The following OR2B11 variants were observed in gnomAD, a reference collection of about 807,000 sequenced individuals.
The protein encoded by OR2B11 is olfactory receptor family 2 subfamily B member 11, also known as olfactory receptor 2B11.
For missense variants in OR2B11, 422 were observed against 400.0 expected (o/e 1.05, Z -0.47); for synonymous variants, 198 against 174.5 (o/e 1.13, Z -1.06).
rs1664882525 is a variant in OR2B11 at position 247,453,013 on chromosome 1, A to G, written c.-1031T>C. The G allele has an allele frequency of 6.6e-6, 1 of 152,200 alleles. No individual in the cohort carries two copies. The allele number at this position is 152,200 out of a possible 1,614,324, so 9.4% of individuals were successfully genotyped here. ...CTGATTCGTGGGTCCTTTCGACTGC[A>G]CCATTGGCTTCTCACCTCCTACAAT... On this transcript the variant is annotated 5_prime_UTR_variant, in exon 2 of 2. Transcript: ENST00000641149.
Position 247,451,116 on chromosome 1 carries a change from G to C in OR2B11, c.867C>G (p.Leu289=). The C allele has an allele frequency of 6.6e-7, 1 of 1,516,768 alleles. No individual in the cohort carries two copies. Among genetic ancestry groups the C allele is most frequent in the Non-Finnish European group, 8.8e-7 (1 of 1,132,042 alleles). 94.0% of individuals were successfully genotyped at this position (1,516,768 alleles called of 1,614,324 possible). ...SLFYSIITPT[L]NPFTYTLRNK... is the part of the protein sequence containing the mutation. ...TTCTCAGGGTGTAGGTGAAGGGATT[G>C]AGAGTGGGGGTGATTATGGAATAGA... The change falls in exon 2 of 2, where the codon CTC becomes CTG. Residue 289 remains leucine, a synonymous_variant. Transcript: ENST00000641149.
intron 1 of OR2B11, among the ~76,000 whole-genome samples, chr1:247,456,022 A>G (rs1419370716): frequency 6.6e-6 from 1 of 152,174 alleles, no homozygotes; most frequent in Non-Finnish European, 1.5e-5. Flanking sequence ...CATTGAGAGG[A>G]GAAGGGAAGT....
Position 247,451,014 on chromosome 1 carries a change from C to T in OR2B11, c.*15G>A. On this transcript the variant is annotated 3_prime_UTR_variant, in exon 2 of 2. Transcript: ENST00000641149. ...TGTTCTTTAATTGATGGAGATGCTACATCTCATGTCCTCATCATCCACAGA... is the reference window on the plus strand; with the variant it reads ...TGTTCTTTAATTGATGGAGATGCTATATCTCATGTCCTCATCATCCACAGA... 1 of 1,389,386 alleles carries T rather than the reference C, an allele frequency of 7.2e-7. No individual in the cohort carries two copies. The highest frequency in any genetic ancestry group is 1.6e-5 in the South Asian group (1 of 62,370). The allele number at this position is 1,389,386 out of a possible 1,614,324, so 86.1% of individuals were successfully genotyped here.
In OR2B11 at chr1:247,451,626, C is replaced by T; in HGVS notation, c.357G>A (p.Leu119=). 1.2e-6 allele frequency: 2 copies of T among 1,614,058 alleles called. No individual in the cohort carries two copies. The highest frequency in any genetic ancestry group is 2.2e-5 in the East Asian group (1 of 44,852). The part of the protein sequence containing the change: ...HWLGCTECIV[L]AAMALDRYVA... ...CGTAGCGGTCCAGGGCCATGGCGGC[C>T]AGGACGATGCACTCCGTGCATCCCA... is the stretch of plus-strand genomic sequence containing the variant. Residue 119 remains leucine, a synonymous_variant, in exon 2 of 2, where the codon CTG becomes CTA. Transcript: ENST00000641149.
At position 247,451,188 on chromosome 1, in the gene OR2B11, C is replaced by A; in HGVS notation, c.795G>T (p.Gln265His). The A allele has an allele frequency of 6.4e-7, 1 of 1,568,166 alleles. No homozygotes were observed. The highest frequency in any genetic ancestry group is 8.7e-7 in the Non-Finnish European group (1 of 1,155,012). ...GCTCTTGGGAGTAGCTGGAAGGGGG[C>A]TGCAGATACATGTAAATCGCAGGTA... is the stretch of plus-strand genomic sequence containing the variant. ...FYLPAIYMYL[Q>H]PPSSYSQEQG... is the part of the protein sequence containing the mutation. The change falls in exon 2 of 2, where the codon CAG (glutamine) becomes CAT (histidine). Residue 265 changes from glutamine to histidine, a missense_variant. Transcript: ENST00000641149.
chr1:247,455,491 AAG>A (rs1379741112), intron 1 of OR2B11, among the ~76,000 whole-genome samples: 2 of 152,190 alleles, frequency 1.3e-5, no homozygotes, highest in Non-Finnish European at 2.9e-5. Context: ...CAAAAAGAGA[AAG>A]AGCCCCTTTC....
Position 247,451,651 on chromosome 1 carries a change from A to G in OR2B11, c.332T>C (p.Leu111Pro). Reference sequence around the variant, plus strand: ...CAGGACGATGCACTCCGTGCATCCCAGCCAGTGGAAGACTGCATATTGCAC... The same window carrying G: ...CAGGACGATGCACTCCGTGCATCCCGGCCAGTGGAAGACTGCATATTGCAC... ...CTVQYAVFHW[L>P]GCTECIVLAA... is the part of the protein sequence containing the mutation. Residue 111 changes from leucine (L) to proline (P), a missense_variant, in exon 2 of 2, where the codon CTG becomes CCG. Physicochemically the swap from Leu to Pro is moderately conservative, Grantham distance 98. Coordinates refer to ENST00000641149, the MANE Select transcript of OR2B11 (RefSeq NM_001004492.2). 1 of 1,614,202 alleles carries G rather than the reference A, an allele frequency of 6.2e-7. No homozygotes were observed. The highest frequency in any genetic ancestry group is 8.5e-7 in the Non-Finnish European group (1 of 1,180,022).
rs1281466258 is a variant in OR2B11 at position 247,450,178 on chromosome 1, G to A, written c.*851C>T. On this transcript the variant is annotated 3_prime_UTR_variant, in exon 2 of 2. Transcript: ENST00000641149. ...AATTTTTGTATTTTTAGTAGAGATGGGGTTTCACCATCTTGGCCAGGCTGG... is the reference window on the plus strand; with the variant it reads ...AATTTTTGTATTTTTAGTAGAGATGAGGTTTCACCATCTTGGCCAGGCTGG... The A allele has an allele frequency of 2.6e-5, 4 of 152,054 alleles. No homozygotes were observed. Among genetic ancestry groups the A allele is most frequent in the Admixed American group, 6.6e-5 (1 of 15,264 alleles). The allele number at this position is 152,054 out of a possible 1,614,324, so 9.4% of individuals were successfully genotyped here.
intron 1 of OR2B11, among the ~76,000 whole-genome samples, chr1:247,457,219 C>T (rs1446935468): frequency 4.6e-5 from 7 of 152,054 alleles, no homozygotes; most frequent in African/African-American, 9.7e-5. Context: ...CTTGCTTTCT[C>T]GGGGACTGAT....
At position 247,451,281 on chromosome 1, in the gene OR2B11, G is replaced by A. The variant is rs1664837915; in HGVS notation, c.702C>T (p.Ser234=). The change falls in exon 2 of 2, where the codon TCC becomes TCT. Residue 234 remains serine (S), a synonymous_variant. Coordinates refer to ENST00000641149, the MANE Select transcript of OR2B11 (RefSeq NM_001004492.2). ...FIARAVLRIQ[S]SKGRHKAFGT... ...CAAAGGCCTTGTGTCGTCCCTTGGA[G>A]GACTGGATCCTGAGCACTGCCCGGG... The A allele has an allele frequency of 6.2e-7, 1 of 1,614,090 alleles. No individual in the cohort carries two copies. The highest frequency in any genetic ancestry group is 8.5e-7 in the Non-Finnish European group (1 of 1,179,990).
chr1:247,452,026 A>G lies in OR2B11; in HGVS notation c.-44T>C. On this transcript the variant is annotated 5_prime_UTR_variant, in exon 2 of 2. Transcript: ENST00000641149. ...ACTTGTGGCAAATTGAGAAAATTGG[A>G]ATGAATAATACCTGAGAAGAGGAAT... is the stretch of plus-strand genomic sequence containing the variant. 8.5e-7 allele frequency: 1 copy of G among 1,171,664 alleles called. No homozygotes were observed. The highest frequency in any genetic ancestry group is 1.3e-6 in the Non-Finnish European group (1 of 782,592). 72.6% of individuals were successfully genotyped at this position (1,171,664 alleles called of 1,614,324 possible).
intron 1 of OR2B11, among the ~76,000 whole-genome samples, chr1:247,457,071 G>C (rs1664977893): frequency 6.6e-6 from 1 of 152,184 alleles, no homozygotes; most frequent in African/African-American, 2.4e-5. Context: ...TGGGCCTATG[G>C]GAGGGAGGAT....
chr1:247,450,830 T>C lies in OR2B11; in HGVS notation c.*199A>G. 1 of 405,858 alleles carries C rather than the reference T, an allele frequency of 2.5e-6. No homozygotes were observed. Among genetic ancestry groups the C allele is most frequent in the Non-Finnish European group, 4.4e-6 (1 of 228,910 alleles). The allele number at this position is 405,858 out of a possible 1,614,324, so 25.1% of individuals were successfully genotyped here. A position where few individuals can be genotyped will look rare whatever the true frequency, so the allele number is the denominator to read the frequency against. ...TCTATTTAAACAATGCTTAAAAATA[T>C]ATGGCCTCTTAGAATTATACGTTTA... On this transcript the variant is annotated 3_prime_UTR_variant, in exon 2 of 2. Transcript: ENST00000641149.
chr1:247,451,760 G>T lies in OR2B11; in HGVS notation c.223C>A (p.Leu75Ile). The T allele has an allele frequency of 6.2e-7, 1 of 1,614,204 alleles. No individual in the cohort carries two copies. The highest frequency in any genetic ancestry group is 1.3e-5 in the African/African-American group (1 of 75,058). ...IFLSHLSFLD[L>I]CYTTTTVPQM... ...GGGACTGTCGTGGTGGTGTAGCAGA[G>T]GTCCAGGAAGGACAGGTGACTGAGG... Residue 75 changes from leucine to isoleucine, a missense_variant, in exon 2 of 2, where the codon CTC becomes ATC. Physicochemically the swap from Leu to Ile is conservative, Grantham distance 5. Coordinates refer to ENST00000641149, the MANE Select transcript of OR2B11 (RefSeq NM_001004492.2).
In OR2B11 at chr1:247,451,920, C is replaced by T. The variant is rs1254587508; in HGVS notation, c.63G>A (p.Val21=). 1.5e-5 allele frequency: 25 copies of T among 1,613,556 alleles called. No homozygotes were observed. Among genetic ancestry groups the T allele is most frequent in the Non-Finnish European group, 2.0e-5 (24 of 1,179,942 alleles). Residue 21 remains valine, a synonymous_variant, in exon 2 of 2, where the codon GTG becomes GTA. Coordinates refer to ENST00000641149, the MANE Select transcript of OR2B11 (RefSeq NM_001004492.2). ...GGAGTTCCAGCCACGGCCTGTCAGA[C>T]ACACCCAGAAGGATGAAGGCTTTAG... ...DSPKAFILLG[V]SDRPWLELPL...
rs1311039249 is a variant in OR2B11, at chr1:247,454,642, C to T, written c.-2660G>A. On this transcript the variant is annotated 5_prime_UTR_variant, in exon 2 of 2. An upstream start codon of the reference 5' UTR is lost. Transcript: ENST00000641149. ...GCCAAGTACTGAGGTTCTTTCTATTCATGTTCTACTCCTCATTCACTCTAG... is the reference window on the plus strand; with the variant it reads ...GCCAAGTACTGAGGTTCTTTCTATTTATGTTCTACTCCTCATTCACTCTAG... The T allele has an allele frequency of 1.3e-5, 2 of 152,252 alleles. No individual in the cohort carries two copies. Among genetic ancestry groups the T allele is most frequent in the Non-Finnish European group, 2.9e-5 (2 of 68,052 alleles). 9.4% of individuals were successfully genotyped at this position (152,252 alleles called of 1,614,324 possible). A position where few individuals can be genotyped will look rare whatever the true frequency, so the allele number is the denominator to read the frequency against.
At position 247,451,114 on chromosome 1, in the gene OR2B11, T is replaced by G; in HGVS notation, c.869A>C (p.Asn290Thr). 2 of 1,512,442 alleles carry G rather than the reference T, an allele frequency of 1.3e-6. No individual in the cohort carries two copies. The highest frequency in any genetic ancestry group is 2.2e-5 in the Admixed American group (1 of 45,204). The allele number at this position is 1,512,442 out of a possible 1,614,324, so 93.7% of individuals were successfully genotyped here. A position where few individuals can be genotyped will look rare whatever the true frequency, so the allele number is the denominator to read the frequency against. The change falls in exon 2 of 2, where the codon AAT becomes ACT. Residue 290 changes from asparagine (N) to threonine (T), a missense_variant. By Grantham distance (65) the Asn-to-Thr change is moderately conservative (BLOSUM62 0). Transcript: ENST00000641149. The part of the protein sequence containing the change: ...LFYSIITPTL[N>T]PFTYTLRNKD... ...ATTTCTCAGGGTGTAGGTGAAGGGA[T>G]TGAGAGTGGGGGTGATTATGGAATA...
Position 247,450,180 on chromosome 1 carries a change from G to T in OR2B11, c.*849C>A, listed in dbSNP as rs1028163541. The stretch of plus-strand genomic sequence containing the variant: ...TTTTTGTATTTTTAGTAGAGATGGG[G>T]TTTCACCATCTTGGCCAGGCTGGTC... On this transcript the variant is annotated 3_prime_UTR_variant, in exon 2 of 2. Coordinates refer to ENST00000641149, the MANE Select transcript of OR2B11 (RefSeq NM_001004492.2). 2 of 152,056 alleles carry T rather than the reference G, an allele frequency of 1.3e-5. No individual in the cohort carries two copies. The highest frequency in any genetic ancestry group is 2.9e-5 in the Non-Finnish European group (2 of 68,016). 9.4% of individuals were successfully genotyped at this position (152,056 alleles called of 1,614,324 possible).
chr1:247,452,673 A>G lies in OR2B11; in HGVS notation c.-691T>C, dbSNP rs1007436345. 1 of 153,304 alleles carries G rather than the reference A, an allele frequency of 6.5e-6. No individual in the cohort carries two copies. The allele number at this position is 153,304 out of a possible 1,614,324, so 9.5% of individuals were successfully genotyped here. On this transcript the variant is annotated 5_prime_UTR_variant, in exon 2 of 2. Coordinates refer to ENST00000641149, the MANE Select transcript of OR2B11 (RefSeq NM_001004492.2). ...AAGCAGCACAATTCTAGGTCCTGTGAGTCTCTGGAGTGGAAGAGCCAAGGT... is the reference window on the plus strand; with the variant it reads ...AAGCAGCACAATTCTAGGTCCTGTGGGTCTCTGGAGTGGAAGAGCCAAGGT...
Sources: allele counts gnomAD v4.1 joint callset (sites outside exome capture counted in the v4.1 genomes callset), GRCh38; gene constraint gnomAD v4.1.1; transcripts MANE v1.5; gene names NCBI Gene and HGNC (gene_info 2026-07-23, HGNC 2026-07-21).